The following COL25A1 variants were observed in gnomAD, a reference collection of about 807,000 sequenced individuals.
COL25A1 encodes the protein collagen type XXV alpha 1 chain.
Under a neutral mutation model 128.4 loss-of-function variants are expected in COL25A1, and 103 were observed. The observed-to-expected ratio is 0.80, with a 90% CI of 0.68 to 0.94. COL25A1 has a LOEUF of 0.94. Ranked by LOEUF, COL25A1 falls within the 40% of genes least tolerant of loss-of-function variation. COL25A1 has a pLI of 0.00. For synonymous variants in COL25A1, 279 were observed against 277.2 expected (o/e 1.01, Z -0.06); for missense variants, 745 against 840.0 (o/e 0.89, Z 1.40).
chr4:109,168,229 T>C (rs1236337516), intron 3 of COL25A1, among the ~76,000 whole-genome samples: 1 of 152,190 alleles, frequency 6.6e-6, no homozygotes, highest in Non-Finnish European at 1.5e-5. Context: ...CTTCCTCCAC[T>C]GAAACCCTAC....
intron 3 of COL25A1, among the ~76,000 whole-genome samples, chr4:109,122,364 G>T (rs544750202): frequency 3.6e-4 from 55 of 152,146 alleles, no homozygotes; most frequent in African/African-American, 1.3e-3. Context: ...GGAAGGTGAA[G>T]GGTGGGCAGG....
intron 3 of COL25A1, among the ~76,000 whole-genome samples, chr4:109,142,927 A>G (rs1770564216): frequency 6.6e-6 from 1 of 152,116 alleles, no homozygotes; most frequent in African/African-American, 2.4e-5. Flanking sequence ...TAATATTGTT[A>G]TATGTGAATT....
chr4:108,840,474 G>T (rs1734320878), intron 31 of COL25A1, among the ~76,000 whole-genome samples: 1 of 152,080 alleles, frequency 6.6e-6, no homozygotes, highest in Non-Finnish European at 1.5e-5. Context: ...GAATAAAGAG[G>T]CATGAACACA....
chr4:108,975,392 G>A (rs961770835), intron 6 of COL25A1, among the ~76,000 whole-genome samples: 2 of 152,216 alleles, frequency 1.3e-5, no homozygotes, highest in Non-Finnish European at 2.9e-5. Flanking sequence ...GGAGGTGGAG[G>A]TTGAGGTGAG....
intron 8 of COL25A1, among the ~76,000 whole-genome samples, chr4:108,952,431 C>A (rs1749543568): frequency 6.6e-6 from 1 of 152,100 alleles, no homozygotes; most frequent in Non-Finnish European, 1.5e-5. Flanking sequence ...GCTTAAACCT[C>A]CCTGTGGAAA....
intron 20 of COL25A1, among the ~76,000 whole-genome samples, chr4:108,866,668 A>G (rs1737962207): frequency 6.6e-6 from 1 of 152,250 alleles, no homozygotes; most frequent in African/African-American, 2.4e-5. Flanking sequence ...TTAGTGGTAC[A>G]AATCCAGACT....
intron 8 of COL25A1, among the ~76,000 whole-genome samples, chr4:108,943,209 A>C (rs1199890571): frequency 6.6e-6 from 1 of 152,218 alleles, no homozygotes; most frequent in Non-Finnish European, 1.5e-5. Context: ...ACAACATCTT[A>C]ATTACAAAAT....
In COL25A1 at chr4:109,204,910, G is replaced by A. The variant is rs75585359; in HGVS notation, c.367+95673C>T. On this transcript the variant is annotated intron_variant, in intron 3 of 37. Transcript: ENST00000399132. ...AAACGGCAGTTCTGATTCTACCATG[G>A]CTGATAAATTTGATTTTGTACTATA... 0.011 allele frequency among the ~76,000 whole-genome samples: 1,632 copies of A among 152,140 alleles called. 59 individuals are homozygous for A. The South Asian group carries it at 0.14, about 13-fold the overall frequency.
intron 3 of COL25A1, among the ~76,000 whole-genome samples, chr4:109,108,285 G>GT (rs1275349554): frequency 1.3e-5 from 2 of 152,168 alleles, no homozygotes; most frequent in African/African-American, 4.8e-5. Flanking sequence ...GCGGTGTTTG[G>GT]TTTTTTGTCC....
intron 18 of COL25A1, among the ~76,000 whole-genome samples, chr4:108,886,458 G>T (rs2125838943): frequency 9.1e-6 from 1 of 110,308 alleles, no homozygotes; most frequent in African/African-American, 3.1e-5. Context: ...GTGTGTGTGT[G>T]TGTGTGTGTG....
intron 3 of COL25A1, among the ~76,000 whole-genome samples, chr4:109,167,541 C>G (rs1296286293): frequency 6.6e-6 from 1 of 152,074 alleles, no homozygotes; most frequent in Non-Finnish European, 1.5e-5. Flanking sequence ...TAGGGACAAC[C>G]TTAGGATAAT....
At chr4:109,092,519 C>T (rs1042941546) in intron 3 of COL25A1, among the ~76,000 whole-genome samples, 1 of 152,152 alleles carries the variant, frequency 6.6e-6, no homozygotes, top group African/African-American at 2.4e-5. Context: ...CCACATCACA[C>T]ACAGCCATCA....
chr4:108,942,124 G>A, intron 8 of COL25A1: 1 of 1,378,072 alleles, frequency 7.3e-7, no homozygotes, highest in Non-Finnish European at 1.0e-6. Flanking sequence ...AAGCCAACGG[G>A]CTCGGCAAGC....
chr4:108,823,972 T>G (rs1473757955), intron 35 of COL25A1: 1 of 1,500,412 alleles, frequency 6.7e-7, no homozygotes, highest in Non-Finnish European at 8.8e-7. Flanking sequence ...TTTTCTTCTA[T>G]GCCAGGCAGT....
intron 10 of COL25A1, among the ~76,000 whole-genome samples, chr4:108,938,363 C>T (rs769007824): frequency 6.6e-6 from 1 of 152,002 alleles, no homozygotes. Context: ...CTTAAATTGC[C>T]AATAAATATA....
chr4:108,856,796 G>T (rs1736568447), intron 24 of COL25A1, among the ~76,000 whole-genome samples: 4 of 152,012 alleles, frequency 2.6e-5, no homozygotes, highest in African/African-American at 7.2e-5. Flanking sequence ...TGAAATATAG[G>T]TGTCACATTT....
intron 3 of COL25A1, among the ~76,000 whole-genome samples, chr4:109,098,561 T>C (rs1301637998): frequency 6.6e-6 from 1 of 152,224 alleles, no homozygotes; most frequent in African/African-American, 2.4e-5. Flanking sequence ...TCATTTTCAC[T>C]CTCTGGATGA....
intron 31 of COL25A1, among the ~76,000 whole-genome samples, chr4:108,833,385 G>C (rs1029962899): frequency 6.6e-6 from 1 of 152,162 alleles, no homozygotes; most frequent in African/African-American, 2.4e-5. Context: ...TCAGGATTAG[G>C]ATTTCTGCAG....
chr4:108,848,164 A>G (rs1319560169), intron 27 of COL25A1, among the ~76,000 whole-genome samples: 1 of 152,178 alleles, frequency 6.6e-6, no homozygotes, highest in African/African-American at 2.4e-5. Flanking sequence ...ATAAAAAGGA[A>G]ACTTCAACAC....
Sources: gnomAD v4.1 joint callset for allele counts (sites outside exome capture counted in the v4.1 genomes callset) on GRCh38, gnomAD v4.1.1 for gene constraint, MANE v1.5 for transcripts, NCBI Gene and HGNC (gene_info 2026-07-23, HGNC 2026-07-21) for gene names.